The following GNB5 variants were observed in gnomAD, a reference collection of about 807,000 sequenced individuals.
GNB5 encodes the protein guanine nucleotide-binding protein subunit beta-5.
GNB5 carries 37 observed loss-of-function variants against 55.3 expected under a neutral mutation model. That is an observed-to-expected ratio of 0.67 (90% confidence interval 0.51 to 0.88). The LOEUF (loss-of-function observed/expected upper bound fraction) is 0.88. Ranked by LOEUF, GNB5 falls within the 40% of genes least tolerant of loss-of-function variation. The pLI, the probability that GNB5 is intolerant of heterozygous loss-of-function variation, is 0.00. For synonymous variants in GNB5, 219 were observed against 198.5 expected (o/e 1.10, Z -0.87); for missense variants, 476 against 515.3 (o/e 0.92, Z 0.74).
At chr15:52,152,676 G>C (rs140301786) in intron 4 of GNB5, among the ~76,000 whole-genome samples, 4,007 of 150,594 alleles carry the variant, frequency 0.027, 73 homozygotes, top group Middle Eastern at 0.052. Flanking sequence ...TGTTGCCCAG[G>C]CTGGAGTGCA....
At chr15:52,168,866 G>C (rs2034499963) in intron 3 of GNB5, among the ~76,000 whole-genome samples, 1 of 152,180 alleles carries the variant, frequency 6.6e-6, no homozygotes, top group Admixed American at 6.5e-5. Flanking sequence ...ACAAGCAATG[G>C]GGAAAGGATT....
chr15:52,142,925 C>A (rs1376925741), intron 6 of GNB5, among the ~76,000 whole-genome samples: 4 of 152,094 alleles, frequency 2.6e-5, no homozygotes, highest in Non-Finnish European at 5.9e-5. Flanking sequence ...GAGGCCCAGG[C>A]AGGCCAATCA....
intron 7 of GNB5, 114 bp downstream of exon 7, chr15:52,141,026 A>C: frequency 5.0e-6 from 4 of 799,274 alleles, no homozygotes; most frequent in Non-Finnish European, 8.3e-6. Context: ...TCTTAGAGCA[A>C]ACTACTGGAG....
intron 3 of GNB5, among the ~76,000 whole-genome samples, chr15:52,177,899 G>C (rs2034684349): frequency 6.6e-6 from 1 of 152,092 alleles, no homozygotes; most frequent in Admixed American, 6.5e-5. Flanking sequence ...CTTCCACTGT[G>C]GGTCTAAAAT....
chr15:52,132,216 A>C (rs2033595867), intron 9 of GNB5, among the ~76,000 whole-genome samples: 1 of 152,232 alleles, frequency 6.6e-6, no homozygotes, highest in Non-Finnish European at 1.5e-5. Context: ...TGTGAGTAAT[A>C]AACTGTCCTT....
intron 10 of GNB5, among the ~76,000 whole-genome samples, chr15:52,127,450 G>C (rs1271024633): frequency 6.6e-6 from 1 of 151,892 alleles, no homozygotes; most frequent in Non-Finnish European, 1.5e-5. Flanking sequence ...TACTGTATGT[G>C]GCAAGAATTT....
In GNB5 at chr15:52,115,626, A is replaced by G. The variant is rs1231418989; in HGVS notation, c.*7131T>C. On this transcript the variant is annotated 3_prime_UTR_variant, in exon 13 of 13. Coordinates refer to ENST00000261837, the MANE Select transcript of GNB5 (RefSeq NM_016194.4). The stretch of plus-strand genomic sequence containing the variant: ...ACCAAAATGTGACAATATTGGTCTT[A>G]CCTATGTGGTTTCTGTTTTATTGAG... The G allele has an allele frequency of 6.6e-6, 1 of 152,218 alleles. No individual in the cohort carries two copies. Among genetic ancestry groups the G allele is most frequent in the Middle Eastern group, 3.2e-3 (1 of 316 alleles). The allele number at this position is 152,218 out of a possible 1,614,324, so 9.4% of individuals were successfully genotyped here. A position where few individuals can be genotyped will look rare whatever the true frequency, so the allele number is the denominator to read the frequency against.
chr15:52,139,848 G>T, intron 7 of GNB5: 1 of 1,279,694 alleles, frequency 7.8e-7, no homozygotes. Flanking sequence ...ACCCTGCCCC[G>T]GGGCAACACA....
rs1273678641 is a variant in GNB5, at chr15:52,120,447, C to T, written c.*2310G>A. 6.6e-6 allele frequency: 1 copy of T among 152,200 alleles called. No homozygotes were observed. Among genetic ancestry groups the T allele is most frequent in the Non-Finnish European group, 1.5e-5 (1 of 68,052 alleles). 9.4% of individuals were successfully genotyped at this position (152,200 alleles called of 1,614,324 possible). On this transcript the variant is annotated 3_prime_UTR_variant, in exon 13 of 13. Coordinates refer to ENST00000261837, the MANE Select transcript of GNB5 (RefSeq NM_016194.4). ...TGGAAGCATTCTCTGGAATACTTTC[C>T]CTGGGCCCTTAAAGTGGCTTTTTGG... is the stretch of plus-strand genomic sequence containing the variant.
At chr15:52,133,505 T>G (rs368196214) in intron 8 of GNB5, 36 bp from the exon 9 acceptor site, 5 of 1,322,702 alleles carry the variant, frequency 3.8e-6, no homozygotes, top group Non-Finnish European at 4.4e-6. Context: ...ATGGCCACTT[T>G]AAGGAATGTC....
At chr15:52,124,005 C>CAAAAAAAAAAAAAAAAAAAAAAA (rs56008657) in intron 12 of GNB5, among the ~76,000 whole-genome samples, 4 of 84,412 alleles carry the variant, frequency 4.7e-5, no homozygotes, top group African/African-American at 8.4e-5. Flanking sequence ...ATAGAAAAAC[C>CAAAAAAAAAAAAAAAAAAAAAAA]AAAAAAAAAA....
chr15:52,161,128 G>A (rs970416211), intron 3 of GNB5, among the ~76,000 whole-genome samples: 1 of 152,176 alleles, frequency 6.6e-6, no homozygotes, highest in African/African-American at 2.4e-5. Flanking sequence ...GGAGCTCAGA[G>A]AGGCTAAGGA....
In GNB5 at chr15:52,147,425, C is replaced by G. The variant is rs1329790252; in HGVS notation, c.494+34G>C. 9 of 1,243,904 alleles carry G rather than the reference C, an allele frequency of 7.2e-6. 1 individual carries two copies. The South Asian group carries it at 9.6e-5, about 13-fold the overall frequency. 77.1% of individuals were successfully genotyped at this position (1,243,904 alleles called of 1,614,324 possible). ...AGAGAACAGTATTCTATGGTTAACA[C>G]AAATTCTGAAAAGCTGCTGTAGCTC... is the stretch of plus-strand genomic sequence containing the variant. On this transcript the variant is annotated intron_variant, in intron 6 of 12. Transcript: ENST00000261837.
At position 52,122,627 on chromosome 15, in the gene GNB5, G is replaced by A; in HGVS notation, c.*130C>T. The A allele has an allele frequency of 1.3e-6, 1 of 746,936 alleles. No homozygotes were observed. Among genetic ancestry groups the A allele is most frequent in the Non-Finnish European group, 2.4e-6 (1 of 417,478 alleles). 46.3% of individuals were successfully genotyped at this position (746,936 alleles called of 1,614,324 possible). Reference sequence around the variant, plus strand: ...AATAGTCATATTGGAGACGCTTAGTGACCTGTGAGCCATGGGTTGCTCCCC... The same window carrying A: ...AATAGTCATATTGGAGACGCTTAGTAACCTGTGAGCCATGGGTTGCTCCCC... On this transcript the variant is annotated 3_prime_UTR_variant, in exon 13 of 13. Transcript: ENST00000261837.
chr15:52,175,883 T>C (rs1462229250), intron 3 of GNB5, among the ~76,000 whole-genome samples: 3 of 151,142 alleles, frequency 2.0e-5, no homozygotes, highest in African/African-American at 7.3e-5. Context: ...ACTCTGTCTC[T>C]ACTAAAAATA....
intron 3 of GNB5, among the ~76,000 whole-genome samples, chr15:52,168,607 G>GA (rs964261775): frequency 7.2e-5 from 11 of 151,942 alleles, no homozygotes; most frequent in African/African-American, 2.4e-4. Flanking sequence ...CATAGAATAG[G>GA]AAAAAAAACT....
At chr15:52,124,361 G>T in intron 12 of GNB5, 112 bp downstream of exon 12, 1 of 818,654 alleles carries the variant, frequency 1.2e-6, no homozygotes, top group Non-Finnish European at 1.9e-6. Flanking sequence ...GCTCGGCGAG[G>T]CTGACCAGGC....
Position 52,153,928 on chromosome 15 carries a change from G to A in GNB5, c.375+12C>T, listed in dbSNP as rs1332872810. On this transcript the variant is annotated intron_variant, in intron 4 of 12. Coordinates refer to ENST00000261837, the MANE Select transcript of GNB5 (RefSeq NM_016194.4). ...AAACCCGCTCACCTGTTATGCAGCA[G>A]GTGTGACATACCTGTGACGAGCTCA... is the stretch of plus-strand genomic sequence containing the variant. 3 of 1,608,148 alleles carry A rather than the reference G, an allele frequency of 1.9e-6. No individual in the cohort carries two copies. The highest frequency in any genetic ancestry group is 2.6e-6 in the Non-Finnish European group (3 of 1,175,478).
At position 52,117,103 on chromosome 15, in the gene GNB5, T is replaced by TATATATATATATATATA. The variant is rs1555403840; in HGVS notation, c.*5653_*5654insTATATATATATATATAT. On this transcript the variant is annotated 3_prime_UTR_variant, in exon 13 of 13. Transcript: ENST00000261837. ...CACGCCCAGCTAATATATATATATA[T>TATATATATATATATATA]TTTTTTTTAGTACAGACAGGGTTTC... The TATATATATATATATATA allele has an allele frequency of 4.8e-4, 46 of 95,870 alleles. 1 individual carries two copies. Among genetic ancestry groups the TATATATATATATATATA allele is most frequent in the African/African-American group, 2.1e-3 (21 of 9,940 alleles). 5.9% of individuals were successfully genotyped at this position (95,870 alleles called of 1,614,324 possible). A position where few individuals can be genotyped will look rare whatever the true frequency, so the allele number is the denominator to read the frequency against.
Sources: gnomAD v4.1 joint callset for allele counts (sites outside exome capture counted in the v4.1 genomes callset) on GRCh38, gnomAD v4.1.1 for gene constraint, MANE v1.5 for transcripts, NCBI Gene and HGNC (gene_info 2026-07-23, HGNC 2026-07-21) for gene names.